Variants in CBX3 observed in about 807,000 individuals in gnomAD.
CBX3 encodes the protein chromobox protein homolog 3.
In CBX3, 5 loss-of-function variants were observed where a neutral mutation model predicts 22.6. The observed-to-expected ratio is 0.22, with a 90% CI of 0.12 to 0.47. CBX3 has a LOEUF of 0.47. Ranked by LOEUF, CBX3 falls within the 20% of genes least tolerant of loss-of-function variation. The pLI, the probability that CBX3 is intolerant of heterozygous loss-of-function variation, is 0.99. For missense variants in CBX3, 83 were observed against 208.1 expected, an observed-to-expected ratio of 0.40 and a Z score of 3.70; for synonymous variants, 50 against 66.6, an observed-to-expected ratio of 0.75 and a Z score of 1.21.
intron 4 of CBX3, 50 bp from the exon 5 acceptor site, chr7:26,211,601 TACGCCATGAAA>T: frequency 4.9e-6 from 5 of 1,026,932 alleles, no homozygotes; most frequent in Non-Finnish European, 7.3e-6. Flanking sequence ...TTATTTAAAA[TACGCCATGAAA>T]ACAATTTAAT....
chr7:26,209,581 A>G (rs1471119503), intron 4 of CBX3, among the ~76,000 whole-genome samples: 2 of 152,190 alleles, frequency 1.3e-5, no homozygotes, highest in Non-Finnish European at 2.9e-5. Context: ...ATTGCCAAAC[A>G]ATACCTTGAT....
chr7:26,202,153 C>G (rs962369645), intron 1 of CBX3: 1 of 152,106 alleles, frequency 6.6e-6, no homozygotes, highest in Non-Finnish European at 1.5e-5. Flanking sequence ...CCAGCCGCCA[C>G]GCGGGGCTGG....
At chr7:26,203,047 T>C (rs766495519) in intron 2 of CBX3, 25 bp downstream of exon 2, 12 of 1,473,390 alleles carry the variant, frequency 8.1e-6, no homozygotes, top group South Asian at 2.4e-5. Context: ...ACCTAAAATA[T>C]GTAAGGATTT....
Position 26,206,456 on chromosome 7 carries a change from G to T in CBX3, c.113G>T (p.Arg38Leu). 6.2e-7 allele frequency: 1 copy of T among 1,613,994 alleles called. No homozygotes were observed. Among genetic ancestry groups the T allele is most frequent in the Non-Finnish European group, 8.5e-7 (1 of 1,179,882 alleles). Reference protein sequence around the residue: ...EEFVVEKVLDRRVVNGKVEYF... With the variant: ...EEFVVEKVLDLRVVNGKVEYF... ...TTTGTCGTGGAAAAAGTACTAGATC[G>T]ACGTGTAGTGAATGGGAAAGTGGAA... Residue 38 changes from arginine to leucine, a missense_variant, in exon 3 of 6, where the codon CGA (arginine) becomes CTA (leucine). Arg to Leu is a moderately radical substitution (Grantham distance 102). Transcript: ENST00000396386.
intron 4 of CBX3, among the ~76,000 whole-genome samples, chr7:26,208,776 C>T (rs1452681127): frequency 6.6e-6 from 1 of 151,944 alleles, no homozygotes; most frequent in African/African-American, 2.4e-5. Context: ...CCCACCACCA[C>T]GCCCAGCTAA....
At chr7:26,205,328 TA>T (rs1479921717) in intron 2 of CBX3, among the ~76,000 whole-genome samples, 1 of 152,224 alleles carries the variant, frequency 6.6e-6, no homozygotes, top group Admixed American at 6.5e-5. Context: ...TGAATTTGGT[TA>T]CCAGTATAGA....
intron 1 of CBX3, chr7:26,202,629 G>C (rs1335994436): frequency 8.0e-6 from 2 of 250,658 alleles, no homozygotes; most frequent in Non-Finnish European, 1.5e-5. Flanking sequence ...TTGGGTAATC[G>C]TGCCTGGTTT....
At chr7:26,211,311 C>T (rs1784798609) in intron 4 of CBX3, among the ~76,000 whole-genome samples, 1 of 151,972 alleles carries the variant, frequency 6.6e-6, no homozygotes, top group South Asian at 2.1e-4. Context: ...CAGACTAATT[C>T]CTGGAAGTCA....
rs950825202 is a variant in CBX3, at chr7:26,202,685, A to T, written c.-28-286A>T. The T allele has an allele frequency of 1.1e-5, 4 of 372,762 alleles. No homozygotes were observed. The East Asian group carries it at 2.4e-4, about 23-fold the overall frequency. 23.1% of individuals were successfully genotyped at this position (372,762 alleles called of 1,614,324 possible). ...TTAAAAATGGAACATGGACTTTATTATAAATGGGACTTAGATTGGAAAAGA... is the reference window on the plus strand; with the variant it reads ...TTAAAAATGGAACATGGACTTTATTTTAAATGGGACTTAGATTGGAAAAGA... On this transcript the variant is annotated intron_variant, in intron 1 of 5. Coordinates refer to ENST00000396386, the MANE Select transcript of CBX3 (RefSeq NM_016587.4).
intron 2 of CBX3, 58 bp from the exon 3 acceptor site, chr7:26,206,310 A>G: frequency 8.1e-7 from 1 of 1,234,750 alleles, no homozygotes; most frequent in South Asian, 1.4e-5. Context: ...TTGAGCCTTG[A>G]AAATGTGCTC....
intron 2 of CBX3, among the ~76,000 whole-genome samples, chr7:26,204,632 A>G (rs1419875847): frequency 2.0e-5 from 3 of 152,074 alleles, no homozygotes; most frequent in East Asian, 1.9e-4. Flanking sequence ...CCTTTCTTAC[A>G]TATCTGTCTG....
intron 3 of CBX3, 107 bp downstream of exon 3, chr7:26,206,617 A>C: frequency 6.0e-6 from 6 of 997,500 alleles, no homozygotes; most frequent in Non-Finnish European, 9.3e-6. Context: ...GGTGTCTTTA[A>C]ATGTAAAGAC....
chr7:26,209,021 C>T (rs1784745985), intron 4 of CBX3, among the ~76,000 whole-genome samples: 2 of 143,618 alleles, frequency 1.4e-5, no homozygotes, highest in African/African-American at 2.6e-5. Context: ...TCACTGCAAC[C>T]TCCGCCTCCA....
chr7:26,208,264 G>A (rs1784725087), intron 3 of CBX3, 129 bp from the exon 4 acceptor site: 10 of 635,504 alleles, frequency 1.6e-5, no homozygotes, highest in Non-Finnish European at 2.3e-5. Context: ...AGGGAAGGAG[G>A]AAATGATTAG....
intron 4 of CBX3, among the ~76,000 whole-genome samples, chr7:26,208,900 G>A (rs1274812109): frequency 8.1e-6 from 1 of 123,866 alleles, no homozygotes; most frequent in Non-Finnish European, 1.6e-5. Flanking sequence ...TTGTAGGCAT[G>A]AGCCACCACG....
intron 1 of CBX3, chr7:26,202,586 G>C (rs1470522395): frequency 1.1e-5 from 2 of 183,674 alleles, no homozygotes; most frequent in Non-Finnish European, 2.2e-5. Flanking sequence ...GCAGAACAGA[G>C]AAGATTCACA....
In CBX3 at chr7:26,206,516, A is replaced by T; in HGVS notation, c.167+6A>T. 6.2e-7 allele frequency: 1 copy of T among 1,612,704 alleles called. No homozygotes were observed. The highest frequency in any genetic ancestry group is 8.5e-7 in the Non-Finnish European group (1 of 1,179,348). ...AAGTGGAAGGGATTTACAGAGTAAG[A>T]AACTTTAGTGCATCTTTACTATATG... On this transcript the variant is annotated splice_donor_region_variant and intron_variant, in intron 3 of 5. Coordinates refer to ENST00000396386, the MANE Select transcript of CBX3 (RefSeq NM_016587.4).
rs187435406 is a variant in CBX3 at position 26,211,970 on chromosome 7, T to G, written c.426-112T>G. The G allele has an allele frequency of 5.9e-5, 59 of 1,007,466 alleles. No homozygotes were observed. The Admixed American group carries it at 1.8e-3, about 31-fold the overall frequency. The allele number at this position is 1,007,466 out of a possible 1,614,324, so 62.4% of individuals were successfully genotyped here. A position where few individuals can be genotyped will look rare whatever the true frequency, so the allele number is the denominator to read the frequency against. ...AACATAGCAACAAGTAACATAACTC[T>G]CCTGGAGCACTTCAATACCTTTTGT... On this transcript the variant is annotated intron_variant, in intron 5 of 5. Transcript: ENST00000396386.
intron 2 of CBX3, chr7:26,206,157 G>C (rs1584036853): frequency 2.1e-6 from 1 of 469,590 alleles, no homozygotes; most frequent in African/African-American, 2.0e-5. Context: ...TTATTTTGGT[G>C]GTGGGTTGTA....
Sources: allele counts gnomAD v4.1 joint callset (sites outside exome capture counted in the v4.1 genomes callset), GRCh38; gene constraint gnomAD v4.1.1; transcripts MANE v1.5; gene names NCBI Gene and HGNC (gene_info 2026-07-23, HGNC 2026-07-21).